DISC1: variants seen among roughly 807,000 people sequenced by gnomAD.
DISC1 encodes the protein disrupted in schizophrenia 1 protein.
A neutral mutation model predicts 84.5 loss-of-function variants in DISC1; 57 were observed. The observed-to-expected ratio is 0.67, with a 90% CI of 0.55 to 0.84. DISC1 has a LOEUF of 0.84. DISC1 is among the 40% of genes least tolerant of loss of function. DISC1 has a pLI of 0.00. For missense variants in DISC1, 1,000 were observed against 1,057.8 expected (o/e 0.95, Z 0.76); for synonymous variants, 411 against 415.2 (o/e 0.99, Z 0.12).
chr1:231,660,285 G>T (rs1460209428), intron 1 of DISC1, among the ~76,000 whole-genome samples: 5 of 151,870 alleles, frequency 3.3e-5, no homozygotes, highest in Non-Finnish European at 7.4e-5. Flanking sequence ...CAGAAATTAG[G>T]ATTGCAACCC....
intron 9 of DISC1, among the ~76,000 whole-genome samples, chr1:231,941,742 A>G (rs1285412663): frequency 6.6e-6 from 1 of 152,184 alleles, no homozygotes; most frequent in Non-Finnish European, 1.5e-5. Context: ...AAGTGCTGGG[A>G]TTACAGGCGT....
intron 9 of DISC1, among the ~76,000 whole-genome samples, chr1:231,871,527 C>T (rs181612770): frequency 3.9e-5 from 6 of 152,320 alleles, no homozygotes; most frequent in Non-Finnish European, 5.9e-5. Context: ...CAGTTGAATT[C>T]AAACGATCTG....
chr1:231,669,604 A>G (rs145999256), intron 1 of DISC1, among the ~76,000 whole-genome samples: 2 of 152,290 alleles, frequency 1.3e-5, no homozygotes, highest in African/African-American at 4.8e-5. Context: ...ATACATGCAG[A>G]CAACAATCAT....
At chr1:231,887,334 C>T (rs570060710) in intron 9 of DISC1, among the ~76,000 whole-genome samples, 65 of 152,298 alleles carry the variant, frequency 4.3e-4, no homozygotes, top group African/African-American at 1.5e-3. Context: ...TATCCTAGTG[C>T]CTTGACTTCT....
intron 9 of DISC1, among the ~76,000 whole-genome samples, chr1:231,887,049 G>A (rs955238143): frequency 2.0e-5 from 3 of 151,484 alleles, no homozygotes; most frequent in Admixed American, 6.6e-5. Context: ...TTTAGTAGAT[G>A]CAGAATTTCA....
chr1:231,634,744 G>C (rs573309607), intron 1 of DISC1, among the ~76,000 whole-genome samples: 1 of 152,206 alleles, frequency 6.6e-6, no homozygotes, highest in African/African-American at 2.4e-5. Flanking sequence ...GTACATTGCA[G>C]GGTACTTAAA....
At chr1:231,679,892 C>T (rs1159225328) in intron 1 of DISC1, among the ~76,000 whole-genome samples, 1 of 152,196 alleles carries the variant, frequency 6.6e-6, no homozygotes, top group Non-Finnish European at 1.5e-5. Flanking sequence ...TGTTTGAATT[C>T]ATCAGACAGA....
Position 231,675,506 on chromosome 1 carries a change from T to G in DISC1, c.68-18320T>G, listed in dbSNP as rs1029572323. ...ACCTTATCATCAGATAGAGATGCTA[T>G]TTGTACATTTCTCCCTCATACATGT... is the stretch of plus-strand genomic sequence containing the variant. On this transcript the variant is annotated intron_variant, in intron 1 of 12. Coordinates refer to ENST00000439617, the MANE Select transcript of DISC1 (RefSeq NM_018662.3). This position sits in a 1 kb window ranked among gnomAD's most constrained non-coding sequence, Gnocchi z 4.1. Among the ~76,000 whole-genome samples the G allele has an allele frequency of 8.5e-5, 13 of 152,212 alleles. No individual in the cohort carries two copies. The highest frequency in any genetic ancestry group is 1.5e-4 in the Non-Finnish European group (10 of 68,028).
At chr1:231,856,366 G>A (rs889931034) in intron 9 of DISC1, among the ~76,000 whole-genome samples, 2 of 152,020 alleles carry the variant, frequency 1.3e-5, no homozygotes, top group Non-Finnish European at 1.5e-5. Flanking sequence ...TTCTCGGGGT[G>A]CCCATTAAAA....
At chr1:231,814,751 C>G (rs2080728194) in intron 8 of DISC1, among the ~76,000 whole-genome samples, 1 of 151,970 alleles carries the variant, frequency 6.6e-6, no homozygotes, top group African/African-American at 2.4e-5. Flanking sequence ...CACATCAACA[C>G]AAGATTTTCA....
chr1:231,950,160 A>G (rs1658058672), intron 9 of DISC1, among the ~76,000 whole-genome samples: 1 of 150,358 alleles, frequency 6.7e-6, no homozygotes, highest in Non-Finnish European at 1.5e-5. Context: ...AAAGTCCCAA[A>G]TTTTCTTCCT....
At chr1:231,857,042 A>C (rs1490913249) in intron 9 of DISC1, among the ~76,000 whole-genome samples, 1 of 152,200 alleles carries the variant, frequency 6.6e-6, no homozygotes, top group East Asian at 1.9e-4. Flanking sequence ...GCTCAGGGCC[A>C]GGGCCAGTTT....
intron 9 of DISC1, among the ~76,000 whole-genome samples, chr1:231,819,397 G>C (rs558405849): frequency 6.6e-6 from 1 of 152,178 alleles, no homozygotes; most frequent in African/African-American, 2.4e-5. Flanking sequence ...GCTAGCTGAA[G>C]TTAAGTGCAT....
chr1:231,725,908 A>G (rs113467818), intron 3 of DISC1, among the ~76,000 whole-genome samples: 5 of 152,194 alleles, frequency 3.3e-5, no homozygotes, highest in African/African-American at 1.2e-4. Context: ...GAAACTGCAC[A>G]CTGAAATGGT....
At chr1:231,649,793 TC>T (rs1355015986) in intron 1 of DISC1, among the ~76,000 whole-genome samples, 20 of 152,210 alleles carry the variant, frequency 1.3e-4, no homozygotes, top group Non-Finnish European at 2.6e-4. Context: ...GTTGAATTGA[TC>T]CCTTTGCCAT....
At chr1:231,981,609 G>A (rs780276386) in intron 10 of DISC1, among the ~76,000 whole-genome samples, 2 of 152,194 alleles carry the variant, frequency 1.3e-5, no homozygotes, top group Non-Finnish European at 2.9e-5. Flanking sequence ...ATACATTAAT[G>A]AAAAATAATT....
chr1:231,900,308 T>C lies in DISC1; in HGVS notation c.1982-58520T>C, dbSNP rs1454502542. Reference sequence around the variant, plus strand: ...CGTTCATGGAAAAATACCACTGCGGTGGAGCTTTAAGTCACTGCTGTTCTG... The same window carrying C: ...CGTTCATGGAAAAATACCACTGCGGCGGAGCTTTAAGTCACTGCTGTTCTG... On this transcript the variant is annotated intron_variant, in intron 9 of 12. Transcript: ENST00000439617. Among the ~76,000 whole-genome samples the C allele has an allele frequency of 2.0e-5, 3 of 152,326 alleles. No individual in the cohort carries two copies. In the East Asian group the frequency reaches 5.8e-4, roughly 29 times the overall value.
At chr1:231,948,102 A>G (rs1236953286) in intron 9 of DISC1, among the ~76,000 whole-genome samples, 4 of 151,742 alleles carry the variant, frequency 2.6e-5, no homozygotes, top group African/African-American at 9.7e-5. Flanking sequence ...GCAATCCCAT[A>G]TACCCAAAGG....
intron 12 of DISC1, among the ~76,000 whole-genome samples, chr1:232,034,917 A>G (rs1161092815): frequency 2.0e-5 from 3 of 152,088 alleles, no homozygotes; most frequent in African/African-American, 7.2e-5. Flanking sequence ...AAAGAAAGAA[A>G]GGTAAATATT....
Sources: allele counts gnomAD v4.1 joint callset (sites outside exome capture counted in the v4.1 genomes callset), GRCh38; gene constraint gnomAD v4.1.1; non-coding constraint Gnocchi (gnomAD v3.1); transcripts MANE v1.5; gene names NCBI Gene and HGNC (gene_info 2026-07-23, HGNC 2026-07-21).